The following YPEL2 variants were observed in gnomAD, a reference collection of about 807,000 sequenced individuals.
YPEL2 encodes the protein protein yippee-like 2.
In YPEL2, 2 loss-of-function variants were observed where a neutral mutation model predicts 19.1. That is an observed-to-expected ratio of 0.10 (90% confidence interval 0.04 to 0.33). The LOEUF is 0.33. YPEL2 is among the 10% of genes least tolerant of loss of function. YPEL2 has a pLI of 1.00. For missense variants in YPEL2, 66 were observed against 140.7 expected (o/e 0.47, Z 2.68); for synonymous variants, 52 against 50.0 (o/e 1.04, Z -0.17).
At chr17:59,379,418 G>T (rs907901335) in intron 2 of YPEL2, among the ~76,000 whole-genome samples, 9 of 152,306 alleles carry the variant, frequency 5.9e-5, no homozygotes, top group African/African-American at 2.2e-4. Flanking sequence ...TGTGAGATCT[G>T]TTGAGTTGGA....
At chr17:59,360,481 T>C (rs1018630457) in intron 2 of YPEL2, among the ~76,000 whole-genome samples, 1 of 152,226 alleles carries the variant, frequency 6.6e-6, no homozygotes, top group African/African-American at 2.4e-5. Context: ...TTGCAAGACA[T>C]GCTCTACCAA....
chr17:59,383,585 AAAAAAAAAAAAAAAAAAAAAAAAAAT>A (rs2047961245), intron 2 of YPEL2, among the ~76,000 whole-genome samples: 1 of 35,686 alleles, frequency 2.8e-5, no homozygotes, highest in African/African-American at 1.3e-4. Flanking sequence ...AAAAAAAAAA[AAAAAAAAAAAAAAAAAAAAAAAAAAT>A]ATATATATAT....
At chr17:59,392,518 T>TTTG (rs2048012689) in intron 4 of YPEL2, among the ~76,000 whole-genome samples, 1 of 147,472 alleles carries the variant, frequency 6.8e-6, no homozygotes, top group African/African-American at 2.5e-5. Flanking sequence ...TTTTTTTTTT[T>TTTG]TTTTTTTTTT....
intron 4 of YPEL2, among the ~76,000 whole-genome samples, chr17:59,391,050 C>T (rs1013846389): frequency 6.6e-6 from 1 of 152,124 alleles, no homozygotes; most frequent in Non-Finnish European, 1.5e-5. Flanking sequence ...TGCACGTGTA[C>T]ATCCATGCAT....
chr17:59,366,694 C>G (rs2047871153), intron 2 of YPEL2, among the ~76,000 whole-genome samples: 1 of 152,168 alleles, frequency 6.6e-6, no homozygotes, highest in African/African-American at 2.4e-5. Flanking sequence ...GGCCTTTCCC[C>G]TTCAGATGCC....
At chr17:59,388,637 C>T (rs541750106) in intron 3 of YPEL2, among the ~76,000 whole-genome samples, 166 of 152,302 alleles carry the variant, frequency 1.1e-3, no homozygotes, top group Non-Finnish European at 1.5e-3. Context: ...TGAGGAGATT[C>T]TGAGAGCCTC....
chr17:59,385,639 A>G (rs1244032729), intron 2 of YPEL2, among the ~76,000 whole-genome samples: 4 of 152,296 alleles, frequency 2.6e-5, no homozygotes, highest in Middle Eastern at 3.4e-3. Context: ...CTATGGATCT[A>G]TAAGTGGTAA....
rs374975531 is a variant in YPEL2 at position 59,388,932 on chromosome 17, A to G, written c.162-428A>G. The G allele has an allele frequency of 1.6e-3, 330 of 208,028 alleles. 7 individuals carry two copies. In the South Asian group the frequency reaches 0.029, roughly 18 times the overall value. The allele number at this position is 208,028 out of a possible 1,614,324, so 12.9% of individuals were successfully genotyped here. On this transcript the variant is annotated intron_variant, in intron 3 of 4. Transcript: ENST00000312655. ...AAGGAGTAGAGCCTATTCAGCACCC[A>G]GGGATCACTCATTCCTGTATCAGGA...
chr17:59,393,548 GTGTTTCT>G (rs1385466099), intron 4 of YPEL2, among the ~76,000 whole-genome samples: 5 of 142,358 alleles, frequency 3.5e-5, no homozygotes, highest in Non-Finnish European at 7.7e-5. Context: ...TCATTCTTGG[GTGTTTCT>G]CGCAGAGGGG....
chr17:59,364,462 C>T (rs2147945210), intron 2 of YPEL2, among the ~76,000 whole-genome samples: 1 of 152,210 alleles, frequency 6.6e-6, no homozygotes. Flanking sequence ...TTTAAAGTTC[C>T]TTCTACTTCC....
intron 2 of YPEL2, among the ~76,000 whole-genome samples, chr17:59,376,973 A>C (rs1381704884): frequency 6.8e-6 from 1 of 146,462 alleles, no homozygotes; most frequent in Admixed American, 6.7e-5. Flanking sequence ...AAAAAAAAAA[A>C]AACAAAGAAA....
chr17:59,332,682 C>T (rs1323544749), intron 1 of YPEL2, among the ~76,000 whole-genome samples: 4 of 152,200 alleles, frequency 2.6e-5, no homozygotes, highest in Non-Finnish European at 4.4e-5. Context: ...CTACCTCTGC[C>T]TTCAGTCTTA....
intron 2 of YPEL2, among the ~76,000 whole-genome samples, chr17:59,385,538 T>A (rs1013657202): frequency 1.3e-5 from 2 of 152,060 alleles, no homozygotes; most frequent in African/African-American, 4.8e-5. Context: ...TGATCGTGCC[T>A]TTACACTCCA....
intron 4 of YPEL2, among the ~76,000 whole-genome samples, chr17:59,396,559 G>C (rs941786112): frequency 1.3e-5 from 2 of 152,330 alleles, no homozygotes; most frequent in Admixed American, 1.3e-4. Context: ...CGAAGCTCCT[G>C]GAAAATTGTG....
chr17:59,361,402 A>G (rs2047840273), intron 2 of YPEL2, among the ~76,000 whole-genome samples: 2 of 152,232 alleles, frequency 1.3e-5, no homozygotes, highest in Non-Finnish European at 2.9e-5. Context: ...TAATAGATTC[A>G]TGTTATGCCT....
At chr17:59,372,930 A>G (rs138506191) in intron 2 of YPEL2, among the ~76,000 whole-genome samples, 1,624 of 152,256 alleles carry the variant, frequency 0.011, 24 homozygotes, top group African/African-American at 0.036. Context: ...CTGGAGTGCA[A>G]TGGCATGGTC....
chr17:59,370,378 A>G (rs555289670), intron 2 of YPEL2, among the ~76,000 whole-genome samples: 1 of 152,190 alleles, frequency 6.6e-6, no homozygotes, highest in South Asian at 2.1e-4. Flanking sequence ...TTTTATTTTT[A>G]TTTTTTAATG....
intron 2 of YPEL2, among the ~76,000 whole-genome samples, chr17:59,373,592 C>T (rs943441524): frequency 1.3e-5 from 2 of 152,202 alleles, no homozygotes; most frequent in African/African-American, 2.4e-5. Flanking sequence ...AGCAAGGCTC[C>T]GGACATGGCT....
At position 59,392,506 on chromosome 17, in the gene YPEL2, CG is replaced by C. The variant is rs1156951728; in HGVS notation, c.270+3039del. Among the ~76,000 whole-genome samples, 40 of 126,844 alleles carry C rather than the reference CG, an allele frequency of 3.2e-4. 1 individual carries two copies. The highest frequency in any genetic ancestry group is 3.3e-4 in the Non-Finnish European group (21 of 62,958). 83.2% of individuals were successfully genotyped at this position (126,844 alleles called of 152,430 possible). Reference sequence around the variant, plus strand: ...ACCTCCTATGTGCCAGCTCAGGGCACGTTTTTTTTTTTTTTTTTTTTTGAGA... The same window carrying C: ...ACCTCCTATGTGCCAGCTCAGGGCACTTTTTTTTTTTTTTTTTTTTTGAGA... On this transcript the variant is annotated intron_variant, in intron 4 of 4. Coordinates refer to ENST00000312655, the MANE Select transcript of YPEL2 (RefSeq NM_001005404.4).
Sources: allele counts gnomAD v4.1 joint callset (sites outside exome capture counted in the v4.1 genomes callset), GRCh38; gene constraint gnomAD v4.1.1; transcripts MANE v1.5; gene names NCBI Gene and HGNC (gene_info 2026-07-23, HGNC 2026-07-21).